PHC3: variants seen among roughly 807,000 people sequenced by gnomAD.
The protein encoded by PHC3 is polyhomeotic-like protein 3.
PHC3 carries 13 observed loss-of-function variants against 107.4 expected under a neutral mutation model. That is an observed-to-expected ratio of 0.12 (90% confidence interval 0.08 to 0.19). PHC3 has a LOEUF of 0.19. PHC3 is among the 10% of genes least tolerant of loss of function. The pLI is 1.00. For synonymous variants in PHC3, 456 were observed against 427.4 expected (o/e 1.07, Z -0.83); for missense variants, 992 against 1,210.9 (o/e 0.82, Z 2.68).
intron 4 of PHC3, 43 bp downstream of exon 4, chr3:170,171,326 ATTCT>A (rs1447591898): frequency 1.5e-6 from 2 of 1,351,148 alleles, no homozygotes; most frequent in African/African-American, 3.0e-5. Context: ...TTGGAAAACA[ATTCT>A]TTAAAATTTT....
intron 4 of PHC3, among the ~76,000 whole-genome samples, chr3:170,168,801 G>A (rs1205934738): frequency 6.6e-6 from 1 of 150,962 alleles, no homozygotes; most frequent in Non-Finnish European, 1.5e-5. Flanking sequence ...TGACAATAGT[G>A]TAGAATTAGT....
intron 11 of PHC3, among the ~76,000 whole-genome samples, chr3:170,112,096 A>G (rs1717907706): frequency 6.6e-6 from 1 of 152,234 alleles, no homozygotes; most frequent in Non-Finnish European, 1.5e-5. Context: ...CCCAAAAAAC[A>G]GTAAAAACTT....
intron 4 of PHC3, among the ~76,000 whole-genome samples, chr3:170,156,541 C>T (rs1385553792): frequency 1.3e-5 from 2 of 151,890 alleles, no homozygotes; most frequent in African/African-American, 2.4e-5. Context: ...TGTGAGCCAT[C>T]GCACCCGGAC....
rs1719248963 is a variant in PHC3, at chr3:170,117,490, C to A, written c.1943-14G>T. ...ATTCCACTTGCTCTGAAAAAAAAAC[C>A]AAAAAGTCATTTAAAAATTTTTTTA... On this transcript the variant is annotated splice_polypyrimidine_tract_variant and intron_variant, in intron 9 of 14. Transcript: ENST00000495893. 1.3e-6 allele frequency: 2 copies of A among 1,581,346 alleles called. No homozygotes were observed. Among genetic ancestry groups the A allele is most frequent in the Admixed American group, 1.9e-5 (1 of 51,456 alleles).
At chr3:170,158,147 T>A (rs150602746) in intron 4 of PHC3, among the ~76,000 whole-genome samples, 5 of 152,138 alleles carry the variant, frequency 3.3e-5, no homozygotes, top group African/African-American at 9.6e-5. Context: ...GGAAATTCCA[T>A]AAGGTAAGCT....
At chr3:170,166,804 G>A (rs1020596320) in intron 4 of PHC3, among the ~76,000 whole-genome samples, 1 of 151,770 alleles carries the variant, frequency 6.6e-6, no homozygotes, top group Non-Finnish European at 1.5e-5. Flanking sequence ...AGCTGGGACT[G>A]CAGGCACACA....
chr3:170,102,230 G>C, intron 14 of PHC3: 2 of 985,376 alleles, frequency 2.0e-6, no homozygotes, highest in Non-Finnish European at 2.4e-6. Context: ...TATCTTCACC[G>C]GCTGAGGTGT....
intron 4 of PHC3, among the ~76,000 whole-genome samples, chr3:170,150,996 A>G (rs62295779): frequency 0.027 from 4,184 of 152,208 alleles, 85 homozygotes; most frequent in Non-Finnish European, 0.039. Context: ...GCGGATCGCA[A>G]GGTCAGGAGT....
At position 170,090,889 on chromosome 3, in the gene PHC3, A is replaced by T. The variant is rs183421517; in HGVS notation, c.*6341T>A. ...TTAATTCATTATTTACTACTGAAAT[A>T]GATTATTTACTGATTATTTAATACT... On this transcript the variant is annotated 3_prime_UTR_variant, in exon 15 of 15. Transcript: ENST00000495893. The T allele has an allele frequency of 4.1e-4, 62 of 152,330 alleles. No homozygotes were observed. Among genetic ancestry groups the T allele is most frequent in the African/African-American group, 1.3e-3 (53 of 41,576 alleles). The allele number at this position is 152,330 out of a possible 1,614,324, so 9.4% of individuals were successfully genotyped here.
chr3:170,113,895 A>C (rs536180764), intron 10 of PHC3, among the ~76,000 whole-genome samples: 1 of 152,346 alleles, frequency 6.6e-6, no homozygotes, highest in Non-Finnish European at 1.5e-5. Flanking sequence ...TGAAAAACAA[A>C]GGCAATAACT....
intron 4 of PHC3, among the ~76,000 whole-genome samples, chr3:170,157,880 T>C (rs767918623): frequency 7.1e-4 from 107 of 151,618 alleles, no homozygotes; most frequent in Non-Finnish European, 1.1e-3. Context: ...TATACAAATA[T>C]ATATAATAAA....
intron 4 of PHC3, chr3:170,170,871 C>T (rs1374021565): frequency 1.3e-5 from 2 of 152,874 alleles, no homozygotes; most frequent in Admixed American, 1.3e-4. Context: ...TGCAATATAG[C>T]GAATCAGCTT....
chr3:170,173,015 A>AC (rs1389631159), intron 2 of PHC3, among the ~76,000 whole-genome samples: 9 of 152,030 alleles, frequency 5.9e-5, no homozygotes, highest in Admixed American at 5.9e-4. Context: ...ACATGGTGAA[A>AC]CCCCGTCTCT....
At chr3:170,102,059 AAG>A in intron 14 of PHC3, 1 of 856,866 alleles carries the variant, frequency 1.2e-6, no homozygotes, top group Non-Finnish European at 1.4e-6. Flanking sequence ...ATGTAAAAAA[AAG>A]AAAAAAGTCT....
intron 4 of PHC3, among the ~76,000 whole-genome samples, chr3:170,169,518 T>C (rs1274048948): frequency 6.6e-6 from 1 of 152,242 alleles, no homozygotes; most frequent in African/African-American, 2.4e-5. Flanking sequence ...GCAAATGTAA[T>C]GTATTATTCC....
At chr3:170,167,629 G>A (rs1158182165) in intron 4 of PHC3, among the ~76,000 whole-genome samples, 1 of 151,934 alleles carries the variant, frequency 6.6e-6, no homozygotes, top group Non-Finnish European at 1.5e-5. Flanking sequence ...GCATGGTGGC[G>A]TATGCCTGTA....
intron 4 of PHC3, among the ~76,000 whole-genome samples, chr3:170,156,039 A>G (rs1176872577): frequency 6.6e-6 from 1 of 152,222 alleles, no homozygotes. Context: ...GCTTATAAAT[A>G]GTATTGCCTC....
chr3:170,177,516 A>C (rs1215907748), intron 2 of PHC3, among the ~76,000 whole-genome samples: 1 of 151,914 alleles, frequency 6.6e-6, no homozygotes, highest in African/African-American at 2.4e-5. Context: ...ACAGGTATGC[A>C]TTACCATGCC....
intron 10 of PHC3, among the ~76,000 whole-genome samples, chr3:170,116,488 A>G (rs1044155251): frequency 2.6e-5 from 4 of 152,074 alleles, no homozygotes; most frequent in African/African-American, 9.7e-5. Flanking sequence ...AATCACCTAA[A>G]CCTGGGAGGC....
Sources: allele counts gnomAD v4.1 joint callset (sites outside exome capture counted in the v4.1 genomes callset), GRCh38; gene constraint gnomAD v4.1.1; transcripts MANE v1.5; gene names NCBI Gene and HGNC (gene_info 2026-07-23, HGNC 2026-07-21).